IPO11: variants seen among roughly 807,000 people sequenced by gnomAD.
IPO11 encodes importin-11.
Under a neutral mutation model 143.2 loss-of-function variants are expected in IPO11, and 66 were observed. The ratio of observed to expected loss-of-function variants is 0.46; its 90% CI spans 0.38 to 0.57. The LOEUF (loss-of-function observed/expected upper bound fraction) is 0.57, where lower values mean the gene tolerates loss of function less well. Ranked by LOEUF, IPO11 falls within the 20% of genes least tolerant of loss-of-function variation. The probability of loss-of-function intolerance (pLI) is 0.00; values close to 1 mark genes in which losing one functional copy is unlikely to be tolerated. For missense variants in IPO11, 1,026 were observed against 1,141.0 expected, an observed-to-expected ratio of 0.90 and a Z score of 1.45; for synonymous variants, 385 against 377.8, an observed-to-expected ratio of 1.02 and a Z score of -0.22.
Position 62,537,245 on chromosome 5 carries a change from C to T in IPO11, c.2206C>T (p.Leu736Phe). Residue 736 changes from leucine (L) to phenylalanine (F), a missense_variant, in exon 24 of 30, where the codon CTT becomes TTT. Physicochemically the swap from Leu to Phe is conservative, Grantham distance 22. Around this residue, in one of 5 missense-constraint regions of IPO11, gnomAD observed 351 missense variants for 358.9 expected, o/e 0.98. Coordinates refer to ENST00000325324, the MANE Select transcript of IPO11 (RefSeq NM_016338.5). ...AVGLCQSFCE[L>F]LKEITTEGQV... ...AGGTCTATGCCAGTCCTTTTGTGAACTTTTAAAGGAAATTACTACAGAAGG... is the reference window on the plus strand; with the variant it reads ...AGGTCTATGCCAGTCCTTTTGTGAATTTTTAAAGGAAATTACTACAGAAGG... 1.2e-6 allele frequency: 2 copies of T among 1,607,266 alleles called. No homozygotes were observed. Among genetic ancestry groups the T allele is most frequent in the Non-Finnish European group, 1.7e-6 (2 of 1,174,936 alleles).
intron 28 of IPO11, among the ~76,000 whole-genome samples, chr5:62,594,548 G>A (rs1580364978): frequency 6.6e-6 from 1 of 152,184 alleles, no homozygotes; most frequent in East Asian, 1.9e-4. Context: ...AGGGCAAACT[G>A]CTTTACCCAG....
chr5:62,488,085 T>G (rs184131522), intron 13 of IPO11, among the ~76,000 whole-genome samples: 11 of 152,334 alleles, frequency 7.2e-5, no homozygotes, highest in African/African-American at 2.6e-4. Flanking sequence ...GTAAATACAA[T>G]AGAAGCAAAA....
chr5:62,623,590 G>A (rs1217232104), intron 29 of IPO11, among the ~76,000 whole-genome samples: 1 of 151,712 alleles, frequency 6.6e-6, no homozygotes, highest in African/African-American at 2.4e-5. Context: ...GAGCAGCCCC[G>A]AGGGCTGCTG....
chr5:62,455,804 A>C (rs141435899), intron 5 of IPO11, among the ~76,000 whole-genome samples: 1 of 151,882 alleles, frequency 6.6e-6, no homozygotes, highest in Non-Finnish European at 1.5e-5. Context: ...GGCTCACTAC[A>C]ACCTTTGCTT....
In IPO11 at chr5:62,500,491, A is replaced by T. The variant is rs902720161; in HGVS notation, c.1591-4176A>T. Among the ~76,000 whole-genome samples, 3 of 152,088 alleles carry T rather than the reference A, an allele frequency of 2.0e-5. No homozygotes were observed. The South Asian group carries it at 6.2e-4, about 32-fold the overall frequency. The stretch of plus-strand genomic sequence containing the variant: ...ATTATATACTACTGAACATAATTGT[A>T]TGTACTATACTTTTGTTTTATAAAG... On this transcript the variant is annotated intron_variant, in intron 16 of 29. Transcript: ENST00000325324.
chr5:62,484,096 G>C lies in IPO11; in HGVS notation c.1108G>C (p.Val370Leu), dbSNP rs1196976189. 8 of 1,611,230 alleles carry C rather than the reference G, an allele frequency of 5.0e-6. No individual in the cohort carries two copies. Among genetic ancestry groups the C allele is most frequent in the Admixed American group, 3.4e-5 (2 of 59,650 alleles). ...TTTGACAGAGATATGTAGAAGATTA[G>C]TCTCTCATTATTTCCTATTAACTGA... is the stretch of plus-strand genomic sequence containing the variant. ...PTLTEICRRL[V>L]SHYFLLTEEE... Residue 370 changes from valine (V) to leucine (L), a missense_variant, in exon 11 of 30, where the codon GTC (valine) becomes CTC (leucine). Val to Leu is a conservative substitution (Grantham distance 32, BLOSUM62 1). Coordinates refer to ENST00000325324, the MANE Select transcript of IPO11 (RefSeq NM_016338.5).
At chr5:62,536,848 A>G (rs1580298081) in intron 23 of IPO11, 67 bp downstream of exon 23, 2 of 1,346,986 alleles carry the variant, frequency 1.5e-6, no homozygotes, top group Non-Finnish European at 9.6e-7. Flanking sequence ...ATTTGAAATC[A>G]GGGGGTACGT....
chr5:62,574,867 T>G (rs1004488574), intron 27 of IPO11, among the ~76,000 whole-genome samples: 2 of 152,220 alleles, frequency 1.3e-5, no homozygotes, highest in Non-Finnish European at 2.9e-5. Flanking sequence ...TGTCAGTACA[T>G]CCTTAGAAAG....
chr5:62,447,009 C>T (rs1212608144), intron 3 of IPO11, among the ~76,000 whole-genome samples: 1 of 150,336 alleles, frequency 6.7e-6, no homozygotes, highest in Admixed American at 6.6e-5. Flanking sequence ...CTTTCACTTT[C>T]TTCATGATGT....
chr5:62,528,871 C>T (rs558757070), intron 21 of IPO11, among the ~76,000 whole-genome samples: 3 of 152,138 alleles, frequency 2.0e-5, no homozygotes, highest in East Asian at 3.9e-4. Context: ...CTTGGGGTCA[C>T]GAATATGGAG....
intron 26 of IPO11, among the ~76,000 whole-genome samples, chr5:62,553,826 T>C (rs32168): frequency 0.7 from 106,812 of 151,844 alleles, 38,106 homozygotes; most frequent in African/African-American, 0.82. Context: ...GATCTCGGCT[T>C]ACTGCAACCT....
intron 27 of IPO11, among the ~76,000 whole-genome samples, chr5:62,576,469 A>G (rs1488917803): frequency 6.6e-6 from 1 of 152,114 alleles, no homozygotes; most frequent in Non-Finnish European, 1.5e-5. Context: ...ACCAATCTTG[A>G]TTGGTTTATA....
intron 29 of IPO11, among the ~76,000 whole-genome samples, chr5:62,619,694 A>G (rs1288881280): frequency 6.6e-6 from 1 of 151,976 alleles, no homozygotes. Context: ...TCTACTAAAA[A>G]TACAAAAAAT....
intron 1 of IPO11, among the ~76,000 whole-genome samples, chr5:62,423,384 A>C (rs1389946258): frequency 6.6e-6 from 1 of 152,116 alleles, no homozygotes; most frequent in Admixed American, 6.6e-5. Context: ...TCTTTCCTTT[A>C]AACAGTTCAT....
chr5:62,491,451 C>T (rs1746604326), intron 15 of IPO11, among the ~76,000 whole-genome samples: 1 of 152,102 alleles, frequency 6.6e-6, no homozygotes, highest in South Asian at 2.1e-4. Flanking sequence ...TGTCCTTAAA[C>T]CCTAGAGGCT....
In IPO11 at chr5:62,449,936, A is replaced by G; in HGVS notation, c.249A>G (p.Ser83=). The change falls in exon 4 of 30, where the codon TCA becomes TCG. Residue 83 remains serine (S), a synonymous_variant. Transcript: ENST00000325324. ...YWRRVAPHAL[S]EEEKTTLRAG... is the part of the protein sequence containing the mutation. The stretch of plus-strand genomic sequence containing the variant: ...TTTTTTTTTTTTACAGTGCTCTCTC[A>G]GAGGAGGAGAAAACTACTCTGCGTG... The G allele has an allele frequency of 6.3e-7, 1 of 1,577,922 alleles. No homozygotes were observed. Among genetic ancestry groups the G allele is most frequent in the Non-Finnish European group, 8.6e-7 (1 of 1,163,708 alleles).
intron 28 of IPO11, among the ~76,000 whole-genome samples, chr5:62,596,816 A>C (rs534940573): frequency 1.3e-5 from 2 of 152,260 alleles, no homozygotes; most frequent in South Asian, 4.1e-4. Context: ...TTACAGGATC[A>C]AGTTAATGGG....
intron 5 of IPO11, among the ~76,000 whole-genome samples, chr5:62,466,602 G>A (rs1020695962): frequency 2.6e-5 from 4 of 152,208 alleles, no homozygotes; most frequent in Non-Finnish European, 4.4e-5. Flanking sequence ...CTTAATGTGA[G>A]GGTCAGGTTT....
chr5:62,469,008 G>A (rs181099936), intron 6 of IPO11, among the ~76,000 whole-genome samples: 104 of 152,248 alleles, frequency 6.8e-4, no homozygotes, highest in South Asian at 1.7e-3. Context: ...TTAATAAAAT[G>A]ATCCCACAAA....
Sources: gnomAD v4.1 joint callset for allele counts (sites outside exome capture counted in the v4.1 genomes callset) on GRCh38, gnomAD v4.1.1 for gene constraint, gnomAD v4.1.1 regional missense constraint, MANE v1.5 for transcripts, NCBI Gene and HGNC (gene_info 2026-07-23, HGNC 2026-07-21) for gene names.